NR2C1: variants seen among roughly 807,000 people sequenced by gnomAD.
NR2C1 encodes TR2 nuclear hormone receptor.
Under a neutral mutation model 74.8 loss-of-function variants are expected in NR2C1, and 33 were observed. The observed-to-expected ratio is 0.44, with a 90% confidence interval of 0.33 to 0.59. The LOEUF is 0.59. Among genes scored for constraint, NR2C1 ranks in the 20% least tolerant of loss-of-function variants. The probability of loss-of-function intolerance (pLI) is 0.02; values close to 1 mark genes in which losing one functional copy is unlikely to be tolerated. For synonymous variants in NR2C1, 225 were observed against 240.6 expected (o/e 0.94, Z 0.60); for missense variants, 568 against 715.6 (o/e 0.79, Z 2.35).
At chr12:95,046,841 A>C (rs1872380405) in intron 9 of NR2C1, among the ~76,000 whole-genome samples, 1 of 152,200 alleles carries the variant, frequency 6.6e-6, no homozygotes, top group Non-Finnish European at 1.5e-5. Flanking sequence ...CAGGGAAATC[A>C]CTGAAAAGTC....
chr12:95,050,876 TTAAAC>T (rs1417564052), intron 8 of NR2C1, among the ~76,000 whole-genome samples: 1 of 152,250 alleles, frequency 6.6e-6, no homozygotes, highest in Middle Eastern at 3.4e-3. Context: ...CTGTAGTTGA[TTAAAC>T]TAAACCTTTT....
chr12:95,027,322 G>A (rs969236877), intron 12 of NR2C1, among the ~76,000 whole-genome samples: 3 of 152,140 alleles, frequency 2.0e-5, no homozygotes, highest in Non-Finnish European at 4.4e-5. Flanking sequence ...CCCAAAATGT[G>A]AGGATTACAG....
At position 95,057,954 on chromosome 12, in the gene NR2C1, TTAA is replaced by T. The variant is rs1255329959; in HGVS notation, c.545-79_545-77del. The T allele has an allele frequency of 1.1e-5, 14 of 1,244,396 alleles. No individual in the cohort carries two copies. In the African/African-American group the frequency reaches 1.9e-4, roughly 17 times the overall value. The allele number at this position is 1,244,396 out of a possible 1,614,324, so 77.1% of individuals were successfully genotyped here. A position where few individuals can be genotyped will look rare whatever the true frequency, so the allele number is the denominator to read the frequency against. ...TTAGAAATGTAAGCTGTAGGTAAGCTTAATGCTGCTAATAGGAGACATGGCTAC... is the reference window on the plus strand; with the variant it reads ...TTAGAAATGTAAGCTGTAGGTAAGCTTGCTGCTAATAGGAGACATGGCTAC... On this transcript the variant is annotated intron_variant, in intron 5 of 13. Transcript: ENST00000333003.
chr12:95,052,919 T>C (rs1331278884), intron 7 of NR2C1, among the ~76,000 whole-genome samples: 2 of 152,156 alleles, frequency 1.3e-5, no homozygotes, highest in East Asian at 3.8e-4. Context: ...CAGTTACCCA[T>C]TATTCTCTTC....
At chr12:95,054,782 ATTCTTAGGTGT>A (rs1873584246) in intron 7 of NR2C1, among the ~76,000 whole-genome samples, 1 of 151,856 alleles carries the variant, frequency 6.6e-6, no homozygotes, top group South Asian at 2.1e-4. Flanking sequence ...TTTATTGATC[ATTCTTAGGTGT>A]TTCTCGCAGA....
chr12:95,054,381 C>T (rs1415705396), intron 7 of NR2C1, among the ~76,000 whole-genome samples: 2 of 151,694 alleles, frequency 1.3e-5, no homozygotes, highest in Non-Finnish European at 2.9e-5. Flanking sequence ...GATCATAGCT[C>T]ACTGCAGCTT....
At chr12:95,028,143 A>G (rs1449201783) in intron 12 of NR2C1, 6 of 323,542 alleles carry the variant, frequency 1.9e-5, no homozygotes, top group Non-Finnish European at 2.8e-5. Flanking sequence ...TATTATAAAT[A>G]ATGCTGCTAT....
chr12:95,062,670 G>C lies in NR2C1; in HGVS notation c.123C>G (p.Gly41=). The part of the protein sequence containing the change: ...IVTALDHNTQ[G]KQFILTNHDG... ...CGTGATTTGTCAGAATGAACTGCTT[G>C]CCTTGGGTATTATGATCAAGTGCTG... Residue 41 remains glycine (G), a synonymous_variant, in exon 3 of 14, where the codon GGC becomes GGG. Coordinates refer to ENST00000333003, the MANE Select transcript of NR2C1 (RefSeq NM_003297.4). 6.2e-7 allele frequency: 1 copy of C among 1,614,106 alleles called. No individual in the cohort carries two copies. The highest frequency in any genetic ancestry group is 8.5e-7 in the Non-Finnish European group (1 of 1,180,020).
intron 9 of NR2C1, among the ~76,000 whole-genome samples, chr12:95,042,698 G>A (rs921450340): frequency 4.6e-5 from 7 of 152,110 alleles, no homozygotes; most frequent in African/African-American, 1.7e-4. Flanking sequence ...TAAAACAAAA[G>A]GGCAATTAAT....
chr12:95,055,414 G>A (rs1435890532), intron 7 of NR2C1, among the ~76,000 whole-genome samples: 1 of 152,168 alleles, frequency 6.6e-6, no homozygotes, highest in African/African-American at 2.4e-5. Context: ...TATGGCAAGA[G>A]GCCACTGCCT....
chr12:95,041,710 C>G (rs963925889), intron 9 of NR2C1, among the ~76,000 whole-genome samples: 14 of 152,058 alleles, frequency 9.2e-5, no homozygotes, highest in Non-Finnish European at 1.9e-4. Context: ...TACACACTAC[C>G]AAGGGTGGGG....
At chr12:95,028,931 CCT>C (rs1288409853) in intron 11 of NR2C1, among the ~76,000 whole-genome samples, 1 of 151,782 alleles carries the variant, frequency 6.6e-6, no homozygotes, top group Non-Finnish European at 1.5e-5. Context: ...GCCTGGCCTT[CCT>C]CTCATGAATT....
chr12:95,036,202 A>G (rs1033657862), intron 10 of NR2C1, among the ~76,000 whole-genome samples: 1 of 152,014 alleles, frequency 6.6e-6, no homozygotes, highest in Admixed American at 6.6e-5. Flanking sequence ...TAAGAAGCAA[A>G]AAGAGCTGAG....
rs56346408 is a variant in NR2C1 at position 95,031,917 on chromosome 12, G to A, written c.1254-429C>T. Among the ~76,000 whole-genome samples the A allele has an allele frequency of 5.6e-3, 856 of 152,298 alleles. 10 individuals carry two copies. Among genetic ancestry groups the A allele is most frequent in the African/African-American group, 0.02 (815 of 41,566 alleles). ...GAGTCTTGCTCTGTTGCCCAGGCTG[G>A]AGTGCAATGGCGTGATCTCTGCTCA... is the stretch of plus-strand genomic sequence containing the variant. On this transcript the variant is annotated intron_variant, in intron 10 of 13. Transcript: ENST00000333003.
intron 7 of NR2C1, among the ~76,000 whole-genome samples, chr12:95,053,681 G>GTTT (rs550069594): frequency 0.078 from 8,041 of 103,140 alleles, 431 homozygotes; most frequent in East Asian, 0.12. Context: ...TCTTTTTGGT[G>GTTT]TTTTTTTTTT....
At chr12:95,036,259 C>T (rs981517117) in intron 10 of NR2C1, among the ~76,000 whole-genome samples, 3 of 124,602 alleles carry the variant, frequency 2.4e-5, no homozygotes, top group South Asian at 2.7e-4. Context: ...AAAAGCAACA[C>T]GAATGTTGAG....
In NR2C1 at chr12:95,049,198, C is replaced by A. The variant is rs1456651541; in HGVS notation, c.1001G>T (p.Gly334Val). Residue 334 changes from glycine to valine, a missense_variant, in exon 9 of 14, where the codon GGA becomes GTA. Physicochemically the swap from Gly to Val is moderately radical, Grantham distance 109. This residue lies in a region of NR2C1 where 239 missense variants were observed against 232.3 expected (regional missense o/e 1.03). Transcript: ENST00000333003. The part of the protein sequence containing the change: ...FDTLAKALNP[G>V]ESTACQSSVA... ...TGAGCTCTGGCAGGCTGTGCTCTCT[C>A]CAGGATTCAATGCTTTTGCAAGAGT... 1.2e-6 allele frequency: 2 copies of A among 1,614,104 alleles called. No homozygotes were observed. The highest frequency in any genetic ancestry group is 1.7e-6 in the Non-Finnish European group (2 of 1,179,998).
At chr12:95,062,221 A>C (rs557595136) in intron 3 of NR2C1, among the ~76,000 whole-genome samples, 136 of 152,298 alleles carry the variant, frequency 8.9e-4, no homozygotes, top group African/African-American at 3.0e-3. Context: ...AACCTTCCTA[A>C]CAATTCTGCA....
chr12:95,054,963 G>A (rs1283764193), intron 7 of NR2C1, among the ~76,000 whole-genome samples: 6 of 152,032 alleles, frequency 3.9e-5, no homozygotes, highest in Admixed American at 3.3e-4. Context: ...GATTCTTAAC[G>A]AGCATGCTGC....
Sources: allele counts gnomAD v4.1 joint callset (sites outside exome capture counted in the v4.1 genomes callset), GRCh38; gene constraint gnomAD v4.1.1; regional missense constraint gnomAD v4.1.1; transcripts MANE v1.5; gene names NCBI Gene and HGNC (gene_info 2026-07-23, HGNC 2026-07-21).